Variants in TINAG observed in about 807,000 individuals in gnomAD.
TINAG encodes tubulointerstitial nephritis antigen.
Under a neutral mutation model 72.7 loss-of-function variants are expected in TINAG, and 83 were observed. The observed-to-expected ratio is 1.14, with a 90% CI of 0.96 to 1.37. The LOEUF (loss-of-function observed/expected upper bound fraction) is 1.37, where lower values mean the gene tolerates loss of function less well. Ranked by LOEUF, TINAG falls within the 40% of genes most tolerant of loss-of-function variation. TINAG has a pLI of 0.00. For missense variants in TINAG, 685 were observed against 576.6 expected (o/e 1.19, Z -1.93); for synonymous variants, 234 against 189.9 (o/e 1.23, Z -1.91).
chr6:54,308,734 T>C lies in TINAG; in HGVS notation c.184T>C (p.Cys62Arg), dbSNP rs546054433. The change falls in exon 1 of 11, where the codon TGT becomes CGT. Residue 62 changes from cysteine to arginine, a missense_variant. Transcript: ENST00000259782. Reference protein sequence around the residue: ...FQGQYCRNFGCCEDRDDGCVT... With the variant: ...FQGQYCRNFGRCEDRDDGCVT... The stretch of plus-strand genomic sequence containing the variant: ...AGGGCAATACTGTAGAAATTTTGGC[T>C]GTTGTGAAGACAGAGATGATGGCTG... 99 of 1,613,940 alleles carry C rather than the reference T, an allele frequency of 6.1e-5. No individual in the cohort carries two copies. The South Asian group carries it at 9.0e-4, about 15-fold the overall frequency.
intron 1 of TINAG, among the ~76,000 whole-genome samples, chr6:54,310,630 TC>T (rs1784223504): frequency 2.7e-5 from 4 of 148,214 alleles, no homozygotes; most frequent in African/African-American, 1.0e-4. Context: ...TCCCCTTCCT[TC>T]CTTCCTCCCT....
At chr6:54,346,725 T>A (rs910057935) in intron 5 of TINAG, among the ~76,000 whole-genome samples, 2 of 151,912 alleles carry the variant, frequency 1.3e-5, no homozygotes, top group Non-Finnish European at 2.9e-5. Context: ...AAGATAATAA[T>A]TTTCATTTAT....
At chr6:54,359,399 C>T (rs1763157149) in intron 9 of TINAG, among the ~76,000 whole-genome samples, 1 of 151,748 alleles carries the variant, frequency 6.6e-6, no homozygotes, top group Non-Finnish European at 1.5e-5. Context: ...TTCTATTATT[C>T]ATAGAACTAA....
intron 9 of TINAG, among the ~76,000 whole-genome samples, chr6:54,367,496 A>G (rs976224482): frequency 5.9e-5 from 9 of 151,778 alleles, no homozygotes; most frequent in African/African-American, 2.2e-4. Context: ...ATTGGTTTAG[A>G]AATGAATGGC....
chr6:54,378,764 G>T (rs1025806344), intron 9 of TINAG, among the ~76,000 whole-genome samples: 1 of 152,028 alleles, frequency 6.6e-6, no homozygotes, highest in African/African-American at 2.4e-5. Flanking sequence ...CATCCTCAAT[G>T]CACCAAGCTC....
intron 9 of TINAG, among the ~76,000 whole-genome samples, chr6:54,370,774 A>AT (rs933007294): frequency 6.6e-6 from 1 of 151,434 alleles, no homozygotes; most frequent in Non-Finnish European, 1.5e-5. Context: ...GATGGGCTTT[A>AT]TTTTTTTTCT....
chr6:54,309,982 G>A (rs531857352), intron 1 of TINAG, among the ~76,000 whole-genome samples: 5 of 151,474 alleles, frequency 3.3e-5, no homozygotes, highest in South Asian at 4.2e-4. Context: ...ATTTATCCTC[G>A]GTCTTTACAT....
Position 54,365,160 on chromosome 6 carries a change from C to T in TINAG, c.1250+10524C>T, listed in dbSNP as rs60461334. Among the ~76,000 whole-genome samples the T allele has an allele frequency of 2.5e-3, 383 of 151,596 alleles. 2 individuals are homozygous for T. Among genetic ancestry groups the T allele is most frequent in the African/African-American group, 8.7e-3 (362 of 41,464 alleles). On this transcript the variant is annotated intron_variant, in intron 9 of 10. Transcript: ENST00000259782. Reference sequence around the variant, plus strand: ...GTCTAAGACAGTTGAATGAACATTTCTACTATGCTTATTTAGCAAATGCAA... The same window carrying T: ...GTCTAAGACAGTTGAATGAACATTTTTACTATGCTTATTTAGCAAATGCAA...
At chr6:54,329,743 GATACAC>G (rs903558995) in intron 4 of TINAG, among the ~76,000 whole-genome samples, 2 of 151,894 alleles carry the variant, frequency 1.3e-5, no homozygotes, top group African/African-American at 4.8e-5. Context: ...CACATGCAAA[GATACAC>G]ATAGGCTCAA....
rs937116545 is a variant in TINAG, at chr6:54,315,668, C to A, written c.356-4911C>A. Among the ~76,000 whole-genome samples, 6 of 141,888 alleles carry A rather than the reference C, an allele frequency of 4.2e-5. No individual in the cohort carries two copies. In the East Asian group the frequency reaches 1.0e-3, roughly 24 times the overall value. The allele number at this position is 141,888 out of a possible 152,430, so 93.1% of individuals were successfully genotyped here. A position where few individuals can be genotyped will look rare whatever the true frequency, so the allele number is the denominator to read the frequency against. On this transcript the variant is annotated intron_variant, in intron 1 of 10. Transcript: ENST00000259782. ...CTCTAGCCTGGATGACAGAATAAGA[C>A]CCTGTCAAAGTAAAAAAAAAAAAGT...
At chr6:54,389,747 C>T (rs1360272606) in intron 10 of TINAG, 44 bp from the exon 11 acceptor site, 5 of 1,539,526 alleles carry the variant, frequency 3.2e-6, no homozygotes, top group East Asian at 2.4e-5. Context: ...TAAAAAATAC[C>T]AAAGTATGTT....
chr6:54,335,594 C>T (rs1015805817), intron 4 of TINAG, among the ~76,000 whole-genome samples: 1 of 152,082 alleles, frequency 6.6e-6, no homozygotes, highest in African/African-American at 2.4e-5. Flanking sequence ...CTAGGAAGAA[C>T]ATGAAGTAAG....
chr6:54,390,106 A>G lies in TINAG; in HGVS notation c.*181A>G. Reference sequence around the variant, plus strand: ...GCTTCCTTCATATTACTGAGCATTAACAACACCAATAAAGGACAGCAGAGT... The same window carrying G: ...GCTTCCTTCATATTACTGAGCATTAGCAACACCAATAAAGGACAGCAGAGT... On this transcript the variant is annotated 3_prime_UTR_variant, in exon 11 of 11. Coordinates refer to ENST00000259782, the MANE Select transcript of TINAG (RefSeq NM_014464.4). 2.6e-6 allele frequency: 2 copies of G among 774,814 alleles called. No homozygotes were observed. Among genetic ancestry groups the G allele is most frequent in the Non-Finnish European group, 3.9e-6 (2 of 518,298 alleles). The allele number at this position is 774,814 out of a possible 1,614,324, so 48.0% of individuals were successfully genotyped here.
chr6:54,346,024 C>G (rs1405443369), intron 5 of TINAG, among the ~76,000 whole-genome samples: 1 of 151,822 alleles, frequency 6.6e-6, no homozygotes, highest in Non-Finnish European at 1.5e-5. Context: ...GAGTAAGAAA[C>G]CAACTTAGAA....
At position 54,349,878 on chromosome 6, in the gene TINAG, A is replaced by C; in HGVS notation, c.1062A>C (p.Pro354=). ...KSNRIYQCSP[P]YRVSSNETEI... is the part of the protein sequence containing the mutation. ...ACAGGATCTATCAATGTTCTCCTCC[A>C]TACAGAGTCTCTTCCAACGTAAGTA... Residue 354 remains proline (P), a synonymous_variant, in exon 7 of 11, where the codon CCA becomes CCC. Coordinates refer to ENST00000259782, the MANE Select transcript of TINAG (RefSeq NM_014464.4). 3 of 1,582,054 alleles carry C rather than the reference A, an allele frequency of 1.9e-6. No homozygotes were observed. The South Asian group carries it at 3.5e-5, about 19-fold the overall frequency.
chr6:54,368,362 A>T (rs1287123766), intron 9 of TINAG, among the ~76,000 whole-genome samples: 1 of 147,972 alleles, frequency 6.8e-6, no homozygotes, highest in Non-Finnish European at 1.5e-5. Context: ...AATAGTTATT[A>T]AATCATTATA....
At chr6:54,372,793 T>A (rs1486609040) in intron 9 of TINAG, among the ~76,000 whole-genome samples, 1 of 144,640 alleles carries the variant, frequency 6.9e-6, no homozygotes, top group Admixed American at 7.2e-5. Context: ...CACATATACA[T>A]GACAATTCTG....
intron 8 of TINAG, 84 bp from the exon 9 acceptor site, chr6:54,354,429 T>G: frequency 7.7e-7 from 1 of 1,297,758 alleles, no homozygotes; most frequent in Non-Finnish European, 1.1e-6. Context: ...AATTTACCCA[T>G]TGGTTGTTCC....
At chr6:54,365,125 G>A (rs1763367964) in intron 9 of TINAG, among the ~76,000 whole-genome samples, 1 of 151,510 alleles carries the variant, frequency 6.6e-6, no homozygotes, top group African/African-American at 2.4e-5. Context: ...GGTTCTTAAT[G>A]CATGGGGAAG....
Sources: gnomAD v4.1 joint callset for allele counts (sites outside exome capture counted in the v4.1 genomes callset) on GRCh38, gnomAD v4.1.1 for gene constraint, MANE v1.5 for transcripts, NCBI Gene and HGNC (gene_info 2026-07-23, HGNC 2026-07-21) for gene names.